The following NNT variants were observed in gnomAD, a reference collection of about 807,000 sequenced individuals.
NNT encodes NAD(P) transhydrogenase, mitochondrial.
Under a neutral mutation model 104.8 loss-of-function variants are expected in NNT, and 50 were observed. The ratio of observed to expected loss-of-function variants is 0.48; its 90% CI spans 0.38 to 0.60. The LOEUF is 0.60. NNT is among the 20% of genes least tolerant of loss of function. NNT has a pLI of 0.00. For missense variants in NNT, 1,131 were observed against 1,330.7 expected, an observed-to-expected ratio of 0.85 and a Z score of 2.33; for synonymous variants, 461 against 490.4, an observed-to-expected ratio of 0.94 and a Z score of 0.79.
chr5:43,668,336 T>C (rs540445295), intron 17 of NNT, among the ~76,000 whole-genome samples: 1 of 152,298 alleles, frequency 6.6e-6, no homozygotes, highest in East Asian at 1.9e-4. Flanking sequence ...TTTGGAGTTT[T>C]ATACATGAAG....
intron 17 of NNT, among the ~76,000 whole-genome samples, chr5:43,674,847 TA>T (rs1741328909): frequency 6.6e-6 from 1 of 152,222 alleles, no homozygotes; most frequent in Admixed American, 6.5e-5. Context: ...CTTTTGAGAT[TA>T]TTTTTCTAGT....
chr5:43,667,844 ACT>A, intron 17 of NNT, among the ~76,000 whole-genome samples: 1 of 152,326 alleles, frequency 6.6e-6, no homozygotes, highest in Middle Eastern at 3.4e-3. Context: ...GAATCGCCAC[ACT>A]GTCTTCCTCA....
At chr5:43,674,168 CT>C (rs1741283226) in intron 17 of NNT, among the ~76,000 whole-genome samples, 1 of 152,106 alleles carries the variant, frequency 6.6e-6, no homozygotes, top group South Asian at 2.1e-4. Context: ...AATGTTGTGT[CT>C]GATAAACGAG....
chr5:43,657,095 A>G (rs1740094536), intron 16 of NNT, among the ~76,000 whole-genome samples: 1 of 152,150 alleles, frequency 6.6e-6, no homozygotes, highest in South Asian at 2.1e-4. Flanking sequence ...GGTGAACAGG[A>G]GCTTAAAAAG....
chr5:43,676,704 A>G (rs1561315112), intron 18 of NNT, among the ~76,000 whole-genome samples: 1 of 152,146 alleles, frequency 6.6e-6, no homozygotes, highest in South Asian at 2.1e-4. Context: ...GACACAATCT[A>G]TTTCCTCTAG....
intron 7 of NNT, among the ~76,000 whole-genome samples, chr5:43,632,336 A>C (rs945728086): frequency 1.3e-5 from 2 of 152,222 alleles, no homozygotes; most frequent in African/African-American, 4.8e-5. Flanking sequence ...GATCCCTGGA[A>C]GGCTGGACTG....
rs1561262600 is a variant in NNT at position 43,613,083 on chromosome 5, A to G, written c.327A>G (p.Ala109=). ...SKFSDDHYRV[A]GAQIQGAKEV... is the part of the protein sequence containing the mutation. ...TCTCAGATGATCACTATAGAGTGGC[A>G]GGTGCCCAAATCCAAGGGGCAAAGG... The change falls in exon 3 of 22, where the codon GCA becomes GCG. Residue 109 remains alanine, a synonymous_variant. Coordinates refer to ENST00000344920, the MANE Select transcript of NNT (RefSeq NM_182977.3). 3 of 1,613,998 alleles carry G rather than the reference A, an allele frequency of 1.9e-6. No homozygotes were observed. The highest frequency in any genetic ancestry group is 1.1e-5 in the South Asian group (1 of 91,078).
At chr5:43,619,362 A>C (rs1027827684) in intron 5 of NNT, among the ~76,000 whole-genome samples, 17 of 152,152 alleles carry the variant, frequency 1.1e-4, no homozygotes, top group Non-Finnish European at 2.1e-4. Context: ...TTGAATTTTT[A>C]AAAGAATTTT....
chr5:43,681,434 T>C (rs1432406432), intron 19 of NNT, among the ~76,000 whole-genome samples: 1 of 152,066 alleles, frequency 6.6e-6, no homozygotes, highest in Non-Finnish European at 1.5e-5. Flanking sequence ...GTTTCACTCT[T>C]GTCACCCAGG....
chr5:43,649,458 C>G (rs3828695), intron 11 of NNT, 150 bp downstream of exon 11: 34,804 of 862,624 alleles, frequency 0.04, 1,018 homozygotes, highest in East Asian at 0.11. Flanking sequence ...GGCTCCCAGA[C>G]TCTGAGAGGG....
At chr5:43,636,532 G>A (rs1171364361) in intron 7 of NNT, among the ~76,000 whole-genome samples, 1 of 152,154 alleles carries the variant, frequency 6.6e-6, no homozygotes, top group Non-Finnish European at 1.5e-5. Context: ...AAAATAAGCA[G>A]TACTGTTTCT....
At chr5:43,651,305 G>A (rs1292709539) in intron 12 of NNT, among the ~76,000 whole-genome samples, 2 of 152,002 alleles carry the variant, frequency 1.3e-5, no homozygotes, top group Admixed American at 6.6e-5. Flanking sequence ...GGCTGGGCAC[G>A]GTGGCTCACA....
chr5:43,615,825 C>G (rs987020323), intron 3 of NNT, 23 bp from the exon 4 acceptor site: 3 of 1,544,526 alleles, frequency 1.9e-6, no homozygotes, highest in East Asian at 2.3e-5. Context: ...TATTTATAAT[C>G]TGTGACTTGA....
intron 7 of NNT, among the ~76,000 whole-genome samples, chr5:43,642,601 C>T (rs540134736): frequency 1.3e-5 from 2 of 152,194 alleles, no homozygotes; most frequent in African/African-American, 2.4e-5. Context: ...CATGTGGCAG[C>T]GAGCCCAGTG....
intron 17 of NNT, among the ~76,000 whole-genome samples, chr5:43,672,042 A>G (rs1301283124): frequency 1.3e-5 from 2 of 151,892 alleles, no homozygotes; most frequent in African/African-American, 2.4e-5. Flanking sequence ...TTCGATCTTC[A>G]ATCACTGATA....
At chr5:43,695,268 G>A (rs1250140394) in intron 19 of NNT, among the ~76,000 whole-genome samples, 1 of 152,132 alleles carries the variant, frequency 6.6e-6, no homozygotes, top group Non-Finnish European at 1.5e-5. Flanking sequence ...TTAGGAAGGG[G>A]TCAAGTCCTA....
intron 17 of NNT, among the ~76,000 whole-genome samples, chr5:43,671,321 T>A (rs991819994): frequency 3.4e-4 from 51 of 152,218 alleles, no homozygotes; most frequent in Non-Finnish European, 6.0e-4. Context: ...TTTGATCCTG[T>A]TATTATGATG....
intron 21 of NNT, 54 bp downstream of exon 21, chr5:43,702,790 A>G: frequency 2.5e-6 from 3 of 1,223,194 alleles, no homozygotes; most frequent in Admixed American, 2.0e-5. Flanking sequence ...CTTCAAATAT[A>G]CACACAGAAC....
rs1749815219 is a variant in NNT, at chr5:43,616,818, A to G, written c.599+753A>G. On this transcript the variant is annotated intron_variant, in intron 4 of 21. Transcript: ENST00000344920. The stretch of plus-strand genomic sequence containing the variant: ...GACTTTGCCTTAAAGGGTGGGAACA[A>G]TCTGGAAATGGGATAAGGCTTATGA... 2.0e-5 allele frequency among the ~76,000 whole-genome samples: 3 copies of G among 152,216 alleles called. No individual in the cohort carries two copies. In the South Asian group the frequency reaches 6.2e-4, roughly 32 times the overall value.
Sources: gnomAD v4.1 joint callset for allele counts (sites outside exome capture counted in the v4.1 genomes callset) on GRCh38, gnomAD v4.1.1 for gene constraint, MANE v1.5 for transcripts, NCBI Gene and HGNC (gene_info 2026-07-23, HGNC 2026-07-21) for gene names.